The following COL14A1 variants were observed in gnomAD, a reference collection of about 807,000 sequenced individuals.
COL14A1 encodes collagen alpha-1(XIV) chain.
COL14A1 carries 136 observed loss-of-function variants against 230.3 expected under a neutral mutation model. The observed-to-expected ratio is 0.59, with a 90% confidence interval of 0.51 to 0.68. COL14A1 has a LOEUF of 0.68. Ranked by LOEUF, COL14A1 falls within the 30% of genes least tolerant of loss-of-function variation. COL14A1 has a pLI of 0.00. For missense variants in COL14A1, 1,976 were observed against 2,215.8 expected (o/e 0.89, Z 2.17); for synonymous variants, 792 against 784.1 (o/e 1.01, Z -0.17).
intron 40 of COL14A1, among the ~76,000 whole-genome samples, chr8:120,322,642 C>T (rs1821495584): frequency 6.6e-6 from 1 of 152,130 alleles, no homozygotes; most frequent in Non-Finnish European, 1.5e-5. Context: ...TGAGAACATG[C>T]AGAATCTGGT....
intron 23 of COL14A1, among the ~76,000 whole-genome samples, chr8:120,256,587 C>T (rs1317532465): frequency 2.0e-5 from 3 of 152,094 alleles, no homozygotes; most frequent in Non-Finnish European, 4.4e-5. Context: ...GTGGTATTAA[C>T]CTGGAACAAA....
In COL14A1 at chr8:120,215,108, GC is replaced by G. The variant is rs372097904; in HGVS notation, c.1598-1241del. 7.8e-4 allele frequency among the ~76,000 whole-genome samples: 119 copies of G among 152,328 alleles called. 3 individuals are homozygous for G. The East Asian group carries it at 0.021, about 27-fold the overall frequency. On this transcript the variant is annotated intron_variant, in intron 13 of 47. Transcript: ENST00000297848. ...TTCTAGGCTTGCTGCGGTGGCTCAC[GC>G]CTGTAGTGCCAGCACTTTGGGAGGC...
intron 5 of COL14A1, among the ~76,000 whole-genome samples, chr8:120,176,098 A>G (rs1816274430): frequency 6.6e-6 from 1 of 152,236 alleles, no homozygotes; most frequent in Non-Finnish European, 1.5e-5. Context: ...GTTTAAATAC[A>G]TATATAAATA....
intron 1 of COL14A1, among the ~76,000 whole-genome samples, chr8:120,129,968 G>A (rs1814474227): frequency 1.3e-5 from 2 of 152,200 alleles, no homozygotes; most frequent in Non-Finnish European, 2.9e-5. Context: ...AGTGACTGAG[G>A]CCATGAAACT....
intron 45 of COL14A1, among the ~76,000 whole-genome samples, chr8:120,359,403 C>T (rs1015892988): frequency 2.0e-5 from 3 of 152,140 alleles, no homozygotes; most frequent in African/African-American, 4.8e-5. Context: ...CTGACCTTAT[C>T]CCAATGCCTG....
chr8:120,149,313 T>G, intron 2 of COL14A1, among the ~76,000 whole-genome samples: 1 of 152,228 alleles, frequency 6.6e-6, no homozygotes, highest in East Asian at 1.9e-4. Flanking sequence ...GAATGGAACT[T>G]GACTTTTTGC....
At position 120,222,550 on chromosome 8, in the gene COL14A1, T is replaced by C. The variant is rs113095410; in HGVS notation, c.1738-2538T>C. The stretch of plus-strand genomic sequence containing the variant: ...TGAAAAGGCTGGGATTCTCTGGCCC[T>C]CTCCAGAAGAGTGGCTCAGTACAGC... On this transcript the variant is annotated intron_variant, in intron 14 of 47. Coordinates refer to ENST00000297848, the MANE Select transcript of COL14A1 (RefSeq NM_021110.4). Among the ~76,000 whole-genome samples, 724 of 152,276 alleles carry C rather than the reference T, an allele frequency of 4.8e-3. 12 individuals carry two copies. Among genetic ancestry groups the C allele is most frequent in the African/African-American group, 0.016 (674 of 41,570 alleles).
At chr8:120,214,350 A>C (rs1302850421) in intron 13 of COL14A1, among the ~76,000 whole-genome samples, 1 of 152,224 alleles carries the variant, frequency 6.6e-6, no homozygotes, top group East Asian at 1.9e-4. Context: ...GAATTTAATA[A>C]GTTAACATAT....
In COL14A1 at chr8:120,261,425, A is replaced by G. The variant is rs542594355; in HGVS notation, c.2870-1443A>G. ...GATAAGCACTCATTAAATGTTGGCT[A>G]TTATTATCTTTATTGCTGTTGTTAT... On this transcript the variant is annotated intron_variant, in intron 23 of 47. Coordinates refer to ENST00000297848, the MANE Select transcript of COL14A1 (RefSeq NM_021110.4). Among the ~76,000 whole-genome samples, 4 of 152,314 alleles carry G rather than the reference A, an allele frequency of 2.6e-5. No individual in the cohort carries two copies. In the South Asian group the frequency reaches 8.3e-4, roughly 32 times the overall value.
intron 40 of COL14A1, among the ~76,000 whole-genome samples, chr8:120,321,321 T>C (rs1306424198): frequency 6.6e-6 from 1 of 152,040 alleles, no homozygotes; most frequent in African/African-American, 2.4e-5. Context: ...CTAAAACATA[T>C]TAGTTTCCTG....
chr8:120,334,769 T>G (rs1821995040), intron 42 of COL14A1, among the ~76,000 whole-genome samples: 1 of 152,160 alleles, frequency 6.6e-6, no homozygotes, highest in Admixed American at 6.5e-5. Flanking sequence ...TTAGAATACA[T>G]CCACAGTGCC....
At chr8:120,217,863 A>C (rs977512672) in intron 14 of COL14A1, among the ~76,000 whole-genome samples, 2 of 151,012 alleles carry the variant, frequency 1.3e-5, no homozygotes, top group Non-Finnish European at 2.9e-5. Flanking sequence ...AAATGAGTGA[A>C]GCATGCCATT....
chr8:120,287,597 A>G (rs1017673894), intron 33 of COL14A1, among the ~76,000 whole-genome samples: 3 of 152,198 alleles, frequency 2.0e-5, no homozygotes, highest in African/African-American at 7.2e-5. Flanking sequence ...TTACCAGAAG[A>G]ACTCAAGAAG....
chr8:120,134,446 A>G (rs1231459297), intron 1 of COL14A1, among the ~76,000 whole-genome samples: 1 of 152,150 alleles, frequency 6.6e-6, no homozygotes, highest in Non-Finnish European at 1.5e-5. Context: ...AAACTTTTTC[A>G]TTTACATCAA....
intron 45 of COL14A1, among the ~76,000 whole-genome samples, chr8:120,354,619 C>T (rs1822913492): frequency 6.6e-6 from 1 of 152,058 alleles, no homozygotes; most frequent in South Asian, 2.1e-4. Flanking sequence ...CTTCAGTAAC[C>T]CTTTGTCTCC....
chr8:120,300,797 T>C lies in COL14A1; in HGVS notation c.4380T>C (p.Ala1460=). Residue 1460 remains alanine (A), a synonymous_variant, in exon 36 of 48, where the codon GCT becomes GCC. Transcript: ENST00000297848. The part of the protein sequence containing the change: ...SCSCSETNEV[A]LGPAGPPGGP... The stretch of plus-strand genomic sequence containing the variant: ...CCTGTTCTGAAACCAATGAAGTGGC[T>C]CTGGGACCAGCGGGCCCACCAGTAA... 1 of 1,613,646 alleles carries C rather than the reference T, an allele frequency of 6.2e-7. No homozygotes were observed. Among genetic ancestry groups the C allele is most frequent in the Non-Finnish European group, 8.5e-7 (1 of 1,179,640 alleles).
chr8:120,278,342 C>A, intron 27 of COL14A1, 93 bp from the exon 28 acceptor site: 1 of 1,497,328 alleles, frequency 6.7e-7, no homozygotes, highest in Non-Finnish European at 8.9e-7. Context: ...TTTTTTTTTT[C>A]ATTAATTTAA....
chr8:120,259,788 G>A (rs1484622662), intron 23 of COL14A1, among the ~76,000 whole-genome samples: 1 of 152,156 alleles, frequency 6.6e-6, no homozygotes, highest in South Asian at 2.1e-4. Context: ...GTTTGTGGAG[G>A]TAGATCAGTA....
intron 47 of COL14A1, chr8:120,370,848 AAT>A: frequency 3.0e-6 from 4 of 1,343,858 alleles, no homozygotes; most frequent in African/African-American, 3.0e-5. Flanking sequence ...TTTTTAAAAA[AAT>A]TTCTATTTCT....
Sources: gnomAD v4.1 joint callset for allele counts (sites outside exome capture counted in the v4.1 genomes callset) on GRCh38, gnomAD v4.1.1 for gene constraint, MANE v1.5 for transcripts, NCBI Gene and HGNC (gene_info 2026-07-23, HGNC 2026-07-21) for gene names.